Variants in DPP6 observed in about 807,000 individuals in gnomAD.
DPP6 encodes A-type potassium channel modulatory protein DPP6.
DPP6 carries 69 observed loss-of-function variants against 122.6 expected under a neutral mutation model. The ratio of observed to expected loss-of-function variants is 0.56; its 90% confidence interval spans 0.46 to 0.69. The LOEUF is 0.69. Ranked by LOEUF, DPP6 falls within the 30% of genes least tolerant of loss-of-function variation. DPP6 has a pLI of 0.00. For synonymous variants in DPP6, 418 were observed against 433.1 expected, an observed-to-expected ratio of 0.97 and a Z score of 0.43; for missense variants, 928 against 1,116.9, an observed-to-expected ratio of 0.83 and a Z score of 2.41.
chr7:154,474,921 CT>C lies in DPP6; in HGVS notation c.359-13del. ...ATTATGAAACAAGCTTAACTCTTTG[CT>C]TTTTATTTTTTTCTAGCGGAAGATA... On this transcript the variant is annotated splice_polypyrimidine_tract_variant and intron_variant, in intron 2 of 25. Coordinates refer to ENST00000377770, the MANE Select transcript of DPP6 (RefSeq NM_130797.4). The C allele has an allele frequency of 1.3e-6, 2 of 1,590,942 alleles. No homozygotes were observed. Among genetic ancestry groups the C allele is most frequent in the Non-Finnish European group, 1.7e-6 (2 of 1,160,024 alleles).
At chr7:153,984,546 G>A (rs539562064) in intron 1 of DPP6, among the ~76,000 whole-genome samples, 3 of 152,230 alleles carry the variant, frequency 2.0e-5, no homozygotes, top group Middle Eastern at 6.8e-3. Context: ...ACTTCAGGGG[G>A]AATTCTCTTA....
the DPP6 span, among the ~76,000 whole-genome samples, chr7:153,860,651 CAAAA>C: frequency 4.7e-5 from 7 of 148,038 alleles, no homozygotes; most frequent in Non-Finnish European, 3.0e-5. Flanking sequence ...CCCATGCCTT[CAAAA>C]AAAAAAAAAA....
chr7:154,745,973 G>T (rs572614009), intron 8 of DPP6, among the ~76,000 whole-genome samples: 4 of 152,290 alleles, frequency 2.6e-5, no homozygotes, highest in Admixed American at 2.6e-4. Context: ...CAGGAAGCCA[G>T]GCCATAGCAG....
At chr7:154,468,066 G>C (rs1218645800) in intron 2 of DPP6, among the ~76,000 whole-genome samples, 1 of 152,178 alleles carries the variant, frequency 6.6e-6, no homozygotes, top group Admixed American at 6.5e-5. Flanking sequence ...AAAATAACCA[G>C]TCAGTGCATG....
chr7:154,268,836 C>T (rs1402846550), intron 1 of DPP6, among the ~76,000 whole-genome samples: 2 of 151,732 alleles, frequency 1.3e-5, no homozygotes, highest in Non-Finnish European at 2.9e-5. Context: ...TTTAATCTCA[C>T]AAAACTGGAC....
intron 1 of DPP6, among the ~76,000 whole-genome samples, chr7:154,289,879 A>G (rs1350675744): frequency 6.6e-6 from 1 of 152,198 alleles, no homozygotes; most frequent in East Asian, 1.9e-4. Context: ...ACCGAGTCTC[A>G]TCCCATGAGC....
At chr7:153,826,579 A>C in the DPP6 span, among the ~76,000 whole-genome samples, 1 of 152,330 alleles carries the variant, frequency 6.6e-6, no homozygotes, top group Non-Finnish European at 1.5e-5. Context: ...ATTAGATACA[A>C]AAGGTTTCTG....
At chr7:154,647,844 G>A (rs909537281) in intron 6 of DPP6, among the ~76,000 whole-genome samples, 43 of 152,158 alleles carry the variant, frequency 2.8e-4, no homozygotes, top group African/African-American at 1.0e-3. Flanking sequence ...ACATCCTGGA[G>A]GGTGGCACTC....
chr7:154,459,623 T>C (rs1236761358), intron 2 of DPP6, among the ~76,000 whole-genome samples: 1 of 151,400 alleles, frequency 6.6e-6, no homozygotes, highest in Non-Finnish European at 1.5e-5. Context: ...TGAGGTCAGG[T>C]GTTTGAGACC....
the DPP6 span, among the ~76,000 whole-genome samples, chr7:153,797,756 T>G: frequency 1.3e-5 from 2 of 152,192 alleles, no homozygotes; most frequent in Non-Finnish European, 2.9e-5. Flanking sequence ...TGGTGAATTC[T>G]TTCTTCCTGG....
chr7:154,271,485 G>C (rs781611179), intron 1 of DPP6, among the ~76,000 whole-genome samples: 3 of 152,176 alleles, frequency 2.0e-5, no homozygotes, highest in Non-Finnish European at 2.9e-5. Flanking sequence ...GTGGTAATGA[G>C]GACTGAAGAG....
chr7:154,335,400 G>T (rs542282077), intron 1 of DPP6, among the ~76,000 whole-genome samples: 1 of 152,264 alleles, frequency 6.6e-6, no homozygotes, highest in South Asian at 2.1e-4. Flanking sequence ...AACAAATATT[G>T]ATATTTTGCC....
At chr7:154,061,830 C>A (rs1801979095) in intron 1 of DPP6, among the ~76,000 whole-genome samples, 2 of 137,512 alleles carry the variant, frequency 1.5e-5, no homozygotes, top group African/African-American at 5.5e-5. Context: ...CTCTTCCCCC[C>A]TTTGCTCTTA....
At chr7:154,887,344 T>G (rs1359520399) in intron 22 of DPP6, among the ~76,000 whole-genome samples, 2 of 152,228 alleles carry the variant, frequency 1.3e-5, no homozygotes, top group Non-Finnish European at 2.9e-5. Context: ...CCCATGCCCT[T>G]CCTAAGTGTT....
chr7:154,194,353 A>AT (rs1031490774), intron 1 of DPP6, among the ~76,000 whole-genome samples: 1 of 152,158 alleles, frequency 6.6e-6, no homozygotes, highest in Non-Finnish European at 1.5e-5. Flanking sequence ...TCAGATGCAT[A>AT]TTTTTTTCTC....
chr7:154,460,720 G>T (rs1481851433), intron 2 of DPP6, among the ~76,000 whole-genome samples: 1 of 151,936 alleles, frequency 6.6e-6, no homozygotes, highest in East Asian at 1.9e-4. Flanking sequence ...ATTTCTGTGG[G>T]TACATAGTAG....
intron 6 of DPP6, among the ~76,000 whole-genome samples, chr7:154,668,228 ATT>A (rs1425356164): frequency 8.4e-5 from 2 of 23,674 alleles, no homozygotes; most frequent in Non-Finnish European, 1.8e-4. Flanking sequence ...TAATATACAC[ATT>A]TTTTTTTCAA....
intron 1 of DPP6, among the ~76,000 whole-genome samples, chr7:154,250,483 C>T (rs1283649465): frequency 5.3e-5 from 8 of 152,088 alleles, no homozygotes; most frequent in Non-Finnish European, 7.4e-5. Context: ...GACAAAGGCA[C>T]GGTTGGCTTC....
intron 1 of DPP6, among the ~76,000 whole-genome samples, chr7:154,415,084 A>G (rs1289645290): frequency 6.6e-6 from 1 of 152,116 alleles, no homozygotes; most frequent in African/African-American, 2.4e-5. Context: ...GCTTCCTTCC[A>G]CACCCTGATA....
Sources: gnomAD v4.1 joint callset for allele counts (sites outside exome capture counted in the v4.1 genomes callset) on GRCh38, gnomAD v4.1.1 for gene constraint, MANE v1.5 for transcripts, NCBI Gene and HGNC (gene_info 2026-07-23, HGNC 2026-07-21) for gene names.